Variants in DDR2 observed in about 807,000 individuals in gnomAD.
The protein encoded by DDR2 is discoidin domain receptor tyrosine kinase 2, also known as discoidin domain-containing receptor 2.
Under a neutral mutation model 94.9 loss-of-function variants are expected in DDR2, and 27 were observed. The ratio of observed to expected loss-of-function variants is 0.28; its 90% CI spans 0.21 to 0.39. The LOEUF is 0.39. Ranked by LOEUF, DDR2 falls within the 10% of genes least tolerant of loss-of-function variation. The pLI is 1.00. For synonymous variants in DDR2, 382 were observed against 377.2 expected, an observed-to-expected ratio of 1.01 and a Z score of -0.15; for missense variants, 783 against 1,076.0, an observed-to-expected ratio of 0.73 and a Z score of 3.81.
chr1:162,658,609 A>C (rs551371819), intron 2 of DDR2, among the ~76,000 whole-genome samples: 18 of 148,110 alleles, frequency 1.2e-4, no homozygotes, highest in African/African-American at 4.3e-4. Context: ...AGGAAGGATC[A>C]CTTGAGCCAG....
intron 2 of DDR2, among the ~76,000 whole-genome samples, chr1:162,702,222 C>T (rs916138951): frequency 1.3e-5 from 2 of 151,994 alleles, no homozygotes; most frequent in Admixed American, 6.6e-5. Flanking sequence ...CATCTTTGTT[C>T]GTTGCAATTA....
intron 2 of DDR2, among the ~76,000 whole-genome samples, chr1:162,664,011 T>G (rs1034815927): frequency 1.3e-5 from 2 of 151,248 alleles, no homozygotes; most frequent in African/African-American, 2.4e-5. Flanking sequence ...TATCCAAGAG[T>G]CTGAGAGGCT....
chr1:162,699,561 T>G (rs897784627), intron 2 of DDR2, among the ~76,000 whole-genome samples: 1 of 152,190 alleles, frequency 6.6e-6, no homozygotes, highest in Non-Finnish European at 1.5e-5. Context: ...CTAAATGTGG[T>G]TGTGCAATAT....
rs143406078 is a variant in DDR2 at position 162,750,131 on chromosome 1, T to C, written c.83-2964T>C. Reference sequence around the variant, plus strand: ...CCACTCCTATTCAACATAGTTTGGATGTTCTGGCCAGGGCAATCAGGCAGG... The same window carrying C: ...CCACTCCTATTCAACATAGTTTGGACGTTCTGGCCAGGGCAATCAGGCAGG... On this transcript the variant is annotated intron_variant, in intron 3 of 17. Transcript: ENST00000367921. Among the ~76,000 whole-genome samples, 1,440 of 152,314 alleles carry C rather than the reference T, an allele frequency of 9.5e-3. 21 individuals carry two copies. Among genetic ancestry groups the C allele is most frequent in the African/African-American group, 0.033 (1,376 of 41,556 alleles).
chr1:162,691,599 G>A (rs1659964164), intron 2 of DDR2, among the ~76,000 whole-genome samples: 1 of 152,202 alleles, frequency 6.6e-6, no homozygotes. Context: ...GTCTAGTGAC[G>A]TGCTGGCAAG....
intron 3 of DDR2, among the ~76,000 whole-genome samples, chr1:162,726,026 C>T (rs550470995): frequency 2.0e-5 from 3 of 152,278 alleles, no homozygotes; most frequent in South Asian, 2.1e-4. Flanking sequence ...ACTCGCTGGA[C>T]GAGCATGGTC....
At chr1:162,705,201 A>T (rs188511845) in intron 2 of DDR2, 2 of 152,236 alleles carry the variant, frequency 1.3e-5, no homozygotes, top group East Asian at 3.9e-4. Flanking sequence ...AGGATTCCAG[A>T]TATCCAATCT....
chr1:162,639,948 A>G (rs7512080), intron 1 of DDR2, among the ~76,000 whole-genome samples: 7,206 of 152,262 alleles, frequency 0.047, 233 homozygotes, highest in South Asian at 0.12. Context: ...GGTTACTACA[A>G]TGGTGGATGT....
In DDR2 at chr1:162,755,144, C is replaced by G; in HGVS notation, c.418-12C>G. The G allele has an allele frequency of 6.2e-7, 1 of 1,614,108 alleles. No homozygotes were observed. The highest frequency in any genetic ancestry group is 8.5e-7 in the Non-Finnish European group (1 of 1,179,994). On this transcript the variant is annotated splice_polypyrimidine_tract_variant and intron_variant, in intron 5 of 17. Transcript: ENST00000367921. The stretch of plus-strand genomic sequence containing the variant: ...ATACCACCTCTTCACTCATTCTCTT[C>G]TCTCTCCTCAGGTGCTGGATGGAAA...
chr1:162,722,841 A>G (rs770021282), intron 3 of DDR2, among the ~76,000 whole-genome samples: 6 of 152,174 alleles, frequency 3.9e-5, no homozygotes, highest in Non-Finnish European at 7.4e-5. Context: ...TGTGATTTTT[A>G]TGATGTGAGA....
Position 162,656,853 on chromosome 1 carries a change from TTTTTTG to T in DDR2, c.-28+1482_-28+1487del, listed in dbSNP as rs1275672916. 1.5e-4 allele frequency among the ~76,000 whole-genome samples: 20 copies of T among 130,998 alleles called. 4 individuals are homozygous for T. The highest frequency in any genetic ancestry group is 2.5e-4 in the Non-Finnish European group (15 of 60,476). The allele number at this position is 130,998 out of a possible 152,430, so 85.9% of individuals were successfully genotyped here. ...CTGGAGTTTTTTTTTTTTTTTTATT[TTTTTTG>T]TTAACAGGGTTTTGCTCTGTCACCC... On this transcript the variant is annotated intron_variant, in intron 2 of 17. Coordinates refer to ENST00000367921, the MANE Select transcript of DDR2 (RefSeq NM_006182.4).
chr1:162,689,841 TTA>T (rs1491141628), intron 2 of DDR2, among the ~76,000 whole-genome samples: 25 of 14,698 alleles, frequency 1.7e-3, no homozygotes, highest in African/African-American at 3.2e-3. Context: ...CCATCTCTAC[TTA>T]AAAAAAAAAA....
At chr1:162,642,681 A>G (rs1487671345) in intron 1 of DDR2, among the ~76,000 whole-genome samples, 2 of 152,132 alleles carry the variant, frequency 1.3e-5, no homozygotes, top group Non-Finnish European at 2.9e-5. Flanking sequence ...TGGTTTGACT[A>G]CAGGCAGTGC....
chr1:162,743,032 G>A (rs148368933), intron 3 of DDR2, among the ~76,000 whole-genome samples: 1 of 152,252 alleles, frequency 6.6e-6, no homozygotes, highest in African/African-American at 2.4e-5. Flanking sequence ...GAGACTTGGT[G>A]GGGACACAGC....
At chr1:162,710,591 T>TTCA (rs1660858920) in intron 2 of DDR2, among the ~76,000 whole-genome samples, 1 of 152,198 alleles carries the variant, frequency 6.6e-6, no homozygotes, top group South Asian at 2.1e-4. Context: ...AAAACTGCTC[T>TTCA]TCATATTTGT....
intron 2 of DDR2, among the ~76,000 whole-genome samples, chr1:162,669,767 G>A (rs934836162): frequency 6.6e-6 from 1 of 152,112 alleles, no homozygotes; most frequent in Middle Eastern, 3.2e-3. Context: ...CTGTTTATTT[G>A]GGCTTGAAAT....
At chr1:162,722,057 C>T (rs942339746) in intron 3 of DDR2, among the ~76,000 whole-genome samples, 9 of 151,882 alleles carry the variant, frequency 5.9e-5, no homozygotes, top group Non-Finnish European at 1.3e-4. Flanking sequence ...TCAGCAGATA[C>T]CAAGAGAGGA....
chr1:162,671,022 G>A (rs1021677510), intron 2 of DDR2, among the ~76,000 whole-genome samples: 1 of 152,118 alleles, frequency 6.6e-6, no homozygotes, highest in African/African-American at 2.4e-5. Flanking sequence ...AGTAAATGAG[G>A]GGTGTGGTCT....
chr1:162,677,674 T>C (rs1380340411), intron 2 of DDR2, among the ~76,000 whole-genome samples: 1 of 152,180 alleles, frequency 6.6e-6, no homozygotes, highest in Non-Finnish European at 1.5e-5. Flanking sequence ...ATCTTGGAAC[T>C]GAACAGCACC....
Sources: allele counts gnomAD v4.1 joint callset (sites outside exome capture counted in the v4.1 genomes callset), GRCh38; gene constraint gnomAD v4.1.1; transcripts MANE v1.5; gene names NCBI Gene and HGNC (gene_info 2026-07-23, HGNC 2026-07-21).